The following PDGFC variants were observed in gnomAD, a reference collection of about 807,000 sequenced individuals.
The protein encoded by PDGFC is platelet-derived growth factor C.
PDGFC carries 12 observed loss-of-function variants against 35.5 expected under a neutral mutation model. That is an observed-to-expected ratio of 0.34 (90% CI 0.22 to 0.55). The LOEUF is 0.55. PDGFC is among the 20% of genes least tolerant of loss of function. The pLI, the probability that PDGFC is intolerant of heterozygous loss-of-function variation, is 0.91. For synonymous variants in PDGFC, 159 were observed against 148.8 expected, an observed-to-expected ratio of 1.07 and a Z score of -0.50; for missense variants, 322 against 412.4, an observed-to-expected ratio of 0.78 and a Z score of 1.90.
chr4:156,970,737 A>C (rs766228344), intron 1 of PDGFC, 49 bp downstream of exon 1: 21 of 1,173,678 alleles, frequency 1.8e-5, no homozygotes, highest in Non-Finnish European at 1.5e-5. Context: ...TGCCAACGTT[A>C]ACACACACAG....
At chr4:156,803,407 A>T (rs1731668801) in intron 3 of PDGFC, among the ~76,000 whole-genome samples, 2 of 152,238 alleles carry the variant, frequency 1.3e-5, no homozygotes, top group Middle Eastern at 6.8e-3. Context: ...GATTTGATAT[A>T]ATCAAGATAT....
At chr4:156,941,679 T>C (rs1383851146) in intron 1 of PDGFC, among the ~76,000 whole-genome samples, 3 of 152,176 alleles carry the variant, frequency 2.0e-5, no homozygotes, top group Non-Finnish European at 2.9e-5. Context: ...CTTTCAACTT[T>C]TGGGCCGGTT....
intron 1 of PDGFC, among the ~76,000 whole-genome samples, chr4:156,947,391 A>G (rs954510358): frequency 5.9e-5 from 9 of 152,030 alleles, no homozygotes; most frequent in African/African-American, 1.7e-4. Context: ...TGGCCTAGCT[A>G]ATGCACTTTC....
chr4:156,811,244 G>A (rs529479389), intron 2 of PDGFC, among the ~76,000 whole-genome samples: 3 of 152,076 alleles, frequency 2.0e-5, no homozygotes, highest in East Asian at 3.9e-4. Flanking sequence ...TTCTGTTTAC[G>A]AATTCCAAAT....
chr4:156,952,664 A>T (rs1732112369), intron 1 of PDGFC, among the ~76,000 whole-genome samples: 1 of 151,906 alleles, frequency 6.6e-6, no homozygotes. Flanking sequence ...CCTAGCACTA[A>T]ACATTTAACA....
intron 1 of PDGFC, among the ~76,000 whole-genome samples, chr4:156,850,627 G>A (rs1403465544): frequency 6.6e-6 from 1 of 151,972 alleles, no homozygotes; most frequent in Non-Finnish European, 1.5e-5. Context: ...TATACTTGAA[G>A]GAACATAGCA....
At chr4:156,908,137 G>A (rs1291822751) in intron 1 of PDGFC, among the ~76,000 whole-genome samples, 1 of 152,166 alleles carries the variant, frequency 6.6e-6, no homozygotes, top group African/African-American at 2.4e-5. Flanking sequence ...CTGCACTCCA[G>A]CCTGGGCGAC....
intron 1 of PDGFC, among the ~76,000 whole-genome samples, chr4:156,901,727 A>G (rs1730790962): frequency 6.6e-6 from 1 of 151,984 alleles, no homozygotes; most frequent in South Asian, 2.1e-4. Flanking sequence ...GGGTCAGGTG[A>G]TTCTCGTGCC....
At chr4:156,800,926 C>A (rs1429990204) in intron 3 of PDGFC, among the ~76,000 whole-genome samples, 1 of 152,072 alleles carries the variant, frequency 6.6e-6, no homozygotes, top group African/African-American at 2.4e-5. Flanking sequence ...TCAACTGTCA[C>A]TGTAAAATGA....
intron 2 of PDGFC, among the ~76,000 whole-genome samples, chr4:156,824,325 T>TATATATATACACACATATACAC (rs1313538089): frequency 3.6e-5 from 4 of 109,626 alleles, no homozygotes; most frequent in African/African-American, 1.4e-4. Context: ...TATATATATA[T>TATATATATACACACATATACAC]ATACACACAC....
chr4:156,820,182 GACA>G (rs943837666), intron 2 of PDGFC, among the ~76,000 whole-genome samples: 6 of 152,180 alleles, frequency 3.9e-5, no homozygotes, highest in Non-Finnish European at 8.8e-5. Flanking sequence ...CTGTTGAAAT[GACA>G]ACAAGGGATT....
chr4:156,785,617 GA>G (rs1384063774), intron 3 of PDGFC, among the ~76,000 whole-genome samples: 1 of 152,168 alleles, frequency 6.6e-6, no homozygotes, highest in African/African-American at 2.4e-5. Flanking sequence ...GCCAGCATCA[GA>G]TAAAGGGGTG....
chr4:156,875,152 C>T (rs1054031191), intron 1 of PDGFC, among the ~76,000 whole-genome samples: 2 of 152,060 alleles, frequency 1.3e-5, no homozygotes, highest in African/African-American at 4.8e-5. Flanking sequence ...AAGAAAGAAA[C>T]AGAGATGGCA....
At chr4:156,875,494 C>G (rs1297636090) in intron 1 of PDGFC, among the ~76,000 whole-genome samples, 1 of 152,138 alleles carries the variant, frequency 6.6e-6, no homozygotes, top group Non-Finnish European at 1.5e-5. Context: ...AAAACCTAGT[C>G]TCACCAGATG....
At chr4:156,794,380 A>AG (rs1304590301) in intron 3 of PDGFC, among the ~76,000 whole-genome samples, 2 of 152,164 alleles carry the variant, frequency 1.3e-5, no homozygotes, top group South Asian at 4.1e-4. Flanking sequence ...TCTTTCCTAA[A>AG]GAAGCATTAG....
At chr4:156,970,403 G>A (rs1732563439) in intron 1 of PDGFC, among the ~76,000 whole-genome samples, 1 of 151,912 alleles carries the variant, frequency 6.6e-6, no homozygotes, top group African/African-American at 2.4e-5. Flanking sequence ...GACCCCCCTC[G>A]CCCTCCCCAA....
intron 1 of PDGFC, among the ~76,000 whole-genome samples, chr4:156,918,915 G>C (rs899212416): frequency 6.6e-6 from 1 of 152,070 alleles, no homozygotes; most frequent in Non-Finnish European, 1.5e-5. Flanking sequence ...GTTCATGACG[G>C]TTTTTGGTAT....
intron 1 of PDGFC, among the ~76,000 whole-genome samples, chr4:156,892,131 A>C (rs1449732033): frequency 1.3e-5 from 2 of 152,196 alleles, no homozygotes; most frequent in African/African-American, 4.8e-5. Flanking sequence ...CGAATCAATT[A>C]AAATACCTAA....
At chr4:156,945,896 T>C (rs1190474709) in intron 1 of PDGFC, among the ~76,000 whole-genome samples, 1 of 152,096 alleles carries the variant, frequency 6.6e-6, no homozygotes, top group African/African-American at 2.4e-5. Context: ...TTCAGCCCTT[T>C]GCTGCCAGGA....
Sources: gnomAD v4.1 joint callset for allele counts (sites outside exome capture counted in the v4.1 genomes callset) on GRCh38, gnomAD v4.1.1 for gene constraint, MANE v1.5 for transcripts, NCBI Gene and HGNC (gene_info 2026-07-23, HGNC 2026-07-21) for gene names.